The following GCSAML variants were observed in gnomAD, a reference collection of about 807,000 sequenced individuals.
GCSAML encodes the protein germinal center-associated signaling and motility-like protein.
In GCSAML, 9 loss-of-function variants were observed where a neutral mutation model predicts 13.0. The ratio of observed to expected loss-of-function variants is 0.69; its 90% CI spans 0.42 to 1.21. The LOEUF (loss-of-function observed/expected upper bound fraction) is 1.21. Ranked by LOEUF, GCSAML falls within the 50% of genes most tolerant of loss-of-function variation. The pLI, the probability that GCSAML is intolerant of heterozygous loss-of-function variation, is 0.00. For missense variants in GCSAML, 143 were observed against 153.4 expected, an observed-to-expected ratio of 0.93 and a Z score of 0.36; for synonymous variants, 37 against 52.9, an observed-to-expected ratio of 0.70 and a Z score of 1.31.
chr1:247,508,694 T>A (rs1391892315), intron 1 of GCSAML, among the ~76,000 whole-genome samples: 1 of 152,220 alleles, frequency 6.6e-6, no homozygotes, highest in Non-Finnish European at 1.5e-5. Context: ...TTGTTTAAAG[T>A]GTAAGGAAGG....
chr1:247,563,745 C>T, intron 3 of GCSAML, 106 bp downstream of exon 3: 1 of 541,908 alleles, frequency 1.8e-6, no homozygotes, highest in South Asian at 3.3e-5. Context: ...GGAGAAGAGG[C>T]TGCTTGGAGT....
upstream of GCSAML, among the ~76,000 whole-genome samples, chr1:247,546,984 T>G (rs1667607513): frequency 6.7e-6 from 1 of 149,858 alleles, no homozygotes; most frequent in Non-Finnish European, 1.5e-5. Flanking sequence ...ACACCTGTGT[T>G]CCCAGCTACT....
chr1:247,550,504 G>A (rs1020982206), intron 1 of GCSAML, among the ~76,000 whole-genome samples: 18 of 152,112 alleles, frequency 1.2e-4, no homozygotes, highest in Non-Finnish European at 2.5e-4. Context: ...GGGCGTGGTG[G>A]TGGGCACCTG....
intron 2 of GCSAML, among the ~76,000 whole-genome samples, chr1:247,560,278 G>T (rs1364675697): frequency 2.0e-5 from 3 of 152,186 alleles, no homozygotes; most frequent in Admixed American, 2.0e-4. Flanking sequence ...GTCCAAATGT[G>T]GTTGTGCAGT....
chr1:247,517,342 A>G (rs1183972442), intron 1 of GCSAML, among the ~76,000 whole-genome samples: 1 of 152,206 alleles, frequency 6.6e-6, no homozygotes, highest in East Asian at 1.9e-4. Context: ...CTAAACCTGC[A>G]GTTCACAGTG....
upstream of GCSAML, among the ~76,000 whole-genome samples, chr1:247,544,858 A>AAAAAC (rs1331285994): frequency 1.1e-4 from 16 of 152,214 alleles, no homozygotes; most frequent in Admixed American, 4.6e-4. Flanking sequence ...GTCTTAAAAC[A>AAAAAC]AAAACAAAAC....
chr1:247,573,118 G>A (rs1668689239), intron 4 of GCSAML, among the ~76,000 whole-genome samples: 1 of 152,202 alleles, frequency 6.6e-6, no homozygotes, highest in South Asian at 2.1e-4. Context: ...CCATGGTGGT[G>A]GGACCCACTG....
At chr1:247,558,824 A>T (rs893284103) in intron 2 of GCSAML, among the ~76,000 whole-genome samples, 2 of 152,132 alleles carry the variant, frequency 1.3e-5, no homozygotes, top group Admixed American at 6.5e-5. Flanking sequence ...GCAACTTTTA[A>T]TTTATTCTTG....
intron 2 of GCSAML, among the ~76,000 whole-genome samples, chr1:247,562,994 C>T (rs539620271): frequency 4.1e-5 from 6 of 147,310 alleles, no homozygotes; most frequent in East Asian, 2.0e-4. Context: ...TGCATGCCAC[C>T]GTACCCAGCT....
intron 1 of GCSAML, among the ~76,000 whole-genome samples, chr1:247,508,779 T>C (rs1331695121): frequency 2.0e-5 from 3 of 152,196 alleles, no homozygotes; most frequent in Non-Finnish European, 4.4e-5. Flanking sequence ...TCTTTCCCCA[T>C]TGCTTGTTTT....
chr1:247,547,438 C>T (rs1018644300), upstream of GCSAML, among the ~76,000 whole-genome samples: 5 of 152,196 alleles, frequency 3.3e-5, no homozygotes, highest in African/African-American at 1.2e-4. Flanking sequence ...AAGATGGAAA[C>T]CTTTCGTGTT....
intron 2 of GCSAML, among the ~76,000 whole-genome samples, chr1:247,562,204 A>C (rs1193850089): frequency 4.6e-5 from 7 of 152,194 alleles, no homozygotes; most frequent in Admixed American, 4.6e-4. Context: ...AAGGAAGCAA[A>C]GCTTTGTCTG....
chr1:247,541,784 C>T (rs553798670), intron 2 of GCSAML, among the ~76,000 whole-genome samples: 10 of 151,960 alleles, frequency 6.6e-5, no homozygotes, highest in South Asian at 2.1e-4. Flanking sequence ...CTGAGGTGGG[C>T]GGATCACTTG....
At chr1:247,560,680 T>A (rs890729095) in intron 2 of GCSAML, among the ~76,000 whole-genome samples, 3 of 152,192 alleles carry the variant, frequency 2.0e-5, no homozygotes, top group Non-Finnish European at 4.4e-5. Flanking sequence ...GATATGTATA[T>A]ACGGTGAAGT....
chr1:247,514,991 G>A (rs1666164179), intron 1 of GCSAML, among the ~76,000 whole-genome samples: 1 of 152,136 alleles, frequency 6.6e-6, no homozygotes, highest in African/African-American at 2.4e-5. Context: ...CTCTAGTTCT[G>A]GGAAGAGTGA....
intron 4 of GCSAML, among the ~76,000 whole-genome samples, chr1:247,568,830 G>T (rs1668486407): frequency 6.6e-6 from 1 of 152,072 alleles, no homozygotes; most frequent in Non-Finnish European, 1.5e-5. Context: ...TTTTCCATTT[G>T]TTTGTGTCCT....
chr1:247,525,156 C>T (rs754376947), intron 1 of GCSAML: 9 of 152,144 alleles, frequency 5.9e-5, no homozygotes, highest in South Asian at 2.1e-4. Flanking sequence ...CAAACTAAAG[C>T]GCTTTTTCTA....
intron 1 of GCSAML, among the ~76,000 whole-genome samples, chr1:247,524,044 GAATTGAAAACCTAAACATAA>G (rs1666557294): frequency 1.4e-5 from 2 of 144,860 alleles, no homozygotes. Context: ...CAGATGCAGT[GAATTGAAAACCTAAACATAA>G]AATAGAAAAC....
rs1668743568 is a variant in GCSAML at position 247,574,178 on chromosome 1, C to T, written c.204C>T (p.Cys68=). The T allele has an allele frequency of 6.2e-7, 1 of 1,613,950 alleles. No individual in the cohort carries two copies. Among genetic ancestry groups the T allele is most frequent in the African/African-American group, 1.3e-5 (1 of 75,038 alleles). The part of the protein sequence containing the change: ...NENGSGSEEV[C]YTVINHIPHQ... ...ATGGCAGTGGTTCTGAAGAAGTGTG[C>T]TACACTGTCATTAATCACATCCCCC... is the stretch of plus-strand genomic sequence containing the variant. The change falls in exon 5 of 5, where the codon TGC becomes TGT. Residue 68 remains cysteine (C), a synonymous_variant. Coordinates refer to ENST00000366488, the MANE Select transcript of GCSAML (RefSeq NM_145278.5).
Sources: allele counts gnomAD v4.1 joint callset (sites outside exome capture counted in the v4.1 genomes callset), GRCh38; gene constraint gnomAD v4.1.1; transcripts MANE v1.5; gene names NCBI Gene and HGNC (gene_info 2026-07-23, HGNC 2026-07-21).